The following HHAT variants were observed in gnomAD, a reference collection of about 807,000 sequenced individuals.
HHAT encodes the protein protein-cysteine N-palmitoyltransferase HHAT.
In HHAT, 47 loss-of-function variants were observed where a neutral mutation model predicts 70.8. The ratio of observed to expected loss-of-function variants is 0.66; its 90% CI spans 0.53 to 0.85. The LOEUF (loss-of-function observed/expected upper bound fraction) is 0.85, where lower values mean the gene tolerates loss of function less well. Ranked by LOEUF, HHAT falls within the 40% of genes least tolerant of loss-of-function variation. The pLI is 0.00. For synonymous variants in HHAT, 228 were observed against 247.6 expected (o/e 0.92, Z 0.74); for missense variants, 609 against 604.8 (o/e 1.01, Z -0.07).
intron 9 of HHAT, among the ~76,000 whole-genome samples, chr1:210,548,127 T>A (rs1427498355): frequency 1.3e-5 from 2 of 152,180 alleles, no homozygotes; most frequent in Non-Finnish European, 2.9e-5. Flanking sequence ...CGCCATTGTC[T>A]TATGGAACAT....
intron 7 of HHAT, among the ~76,000 whole-genome samples, chr1:210,425,617 T>C (rs1572352592): frequency 6.6e-6 from 1 of 152,128 alleles, no homozygotes; most frequent in Non-Finnish European, 1.5e-5. Flanking sequence ...CCATTGCTTG[T>C]TTTTGCCAGG....
At chr1:210,623,461 A>G (rs1296455230) in intron 10 of HHAT, 65 bp from the exon 11 acceptor site, 15 of 1,586,440 alleles carry the variant, frequency 9.5e-6, no homozygotes, top group Non-Finnish European at 3.5e-6. Flanking sequence ...AGAAAGCTGG[A>G]TGGTATCTTA....
At chr1:210,543,000 C>T (rs2095445944) in intron 9 of HHAT, among the ~76,000 whole-genome samples, 1 of 152,150 alleles carries the variant, frequency 6.6e-6, no homozygotes, top group South Asian at 2.1e-4. Context: ...TGTTCACAGA[C>T]AGGCATCATG....
At chr1:210,580,816 T>C (rs536427487) in intron 9 of HHAT, among the ~76,000 whole-genome samples, 27 of 152,272 alleles carry the variant, frequency 1.8e-4, no homozygotes, top group African/African-American at 6.0e-4. Flanking sequence ...AGTAGAATGA[T>C]TTATAGTCCT....
intron 3 of HHAT, among the ~76,000 whole-genome samples, chr1:210,365,378 G>A (rs2088837953): frequency 7.3e-6 from 1 of 136,082 alleles, no homozygotes; most frequent in Non-Finnish European, 1.5e-5. Flanking sequence ...GTGCAGTGGT[G>A]TGATCTTGGC....
At chr1:210,369,005 G>A (rs762885106) in intron 3 of HHAT, among the ~76,000 whole-genome samples, 10 of 152,046 alleles carry the variant, frequency 6.6e-5, no homozygotes, top group Admixed American at 2.0e-4. Flanking sequence ...TTGAACCCGG[G>A]AGGCGGAGGT....
Position 210,643,033 on chromosome 1 carries a change from C to T in HHAT, c.1390+19363C>T, listed in dbSNP as rs532403237. Among the ~76,000 whole-genome samples the T allele has an allele frequency of 5.3e-5, 8 of 152,148 alleles. No individual in the cohort carries two copies. In the South Asian group the frequency reaches 6.2e-4, roughly 12 times the overall value. ...TAGTATTAATTTTGTGTATAATGTG[C>T]GATAAGGATCAATTTTTTTTGGTCT... On this transcript the variant is annotated intron_variant, in intron 11 of 11. Transcript: ENST00000261458.
At chr1:210,656,365 C>CA (rs1351610894) in intron 11 of HHAT, among the ~76,000 whole-genome samples, 2 of 152,022 alleles carry the variant, frequency 1.3e-5, no homozygotes, top group East Asian at 3.9e-4. Context: ...AGTCCACAGT[C>CA]ACGCATGTGC....
At chr1:210,670,160 C>G (rs1679790461) in intron 11 of HHAT, among the ~76,000 whole-genome samples, 1 of 152,158 alleles carries the variant, frequency 6.6e-6, no homozygotes, top group East Asian at 1.9e-4. Context: ...CAGCTTCTCC[C>G]CTTTGCTTTC....
At chr1:210,498,561 A>G (rs1307055027) in intron 8 of HHAT, among the ~76,000 whole-genome samples, 2 of 152,160 alleles carry the variant, frequency 1.3e-5, no homozygotes, top group African/African-American at 4.8e-5. Flanking sequence ...CAACATTATC[A>G]GTCAGCTTTA....
Position 210,408,479 on chromosome 1 carries a change from G to A in HHAT, c.684+3800G>A, listed in dbSNP as rs115411975. Among the ~76,000 whole-genome samples, 518 of 152,228 alleles carry A rather than the reference G, an allele frequency of 3.4e-3. 6 individuals are homozygous for A. The highest frequency in any genetic ancestry group is 0.012 in the African/African-American group (502 of 41,540). Reference sequence around the variant, plus strand: ...GTTACAGGTGTGAGCCACCATGCTCGGCCTCTTACTTTTATTATTGTGATG... The same window carrying A: ...GTTACAGGTGTGAGCCACCATGCTCAGCCTCTTACTTTTATTATTGTGATG... On this transcript the variant is annotated intron_variant, in intron 6 of 11. Transcript: ENST00000261458.
chr1:210,526,197 C>T (rs2095242175), intron 9 of HHAT, among the ~76,000 whole-genome samples: 1 of 152,060 alleles, frequency 6.6e-6, no homozygotes, highest in Admixed American at 6.5e-5. Flanking sequence ...AGACGGGGAG[C>T]CCCTTTCCCT....
chr1:210,439,731 G>T (rs1340920039), intron 7 of HHAT: 1 of 151,886 alleles, frequency 6.6e-6, no homozygotes, highest in African/African-American at 2.4e-5. Flanking sequence ...TCCTTCATGA[G>T]ACTTCATTAA....
intron 7 of HHAT, among the ~76,000 whole-genome samples, chr1:210,444,879 G>A (rs1318597587): frequency 6.6e-6 from 1 of 152,098 alleles, no homozygotes; most frequent in Non-Finnish European, 1.5e-5. Context: ...TCACTCTGTT[G>A]CCCAGGCTGG....
rs558364465 is a variant in HHAT at position 210,387,492 on chromosome 1, T to C, written c.184T>C (p.Phe62Leu). 2 of 1,614,048 alleles carry C rather than the reference T, an allele frequency of 1.2e-6. No individual in the cohort carries two copies. The highest frequency in any genetic ancestry group is 2.2e-5 in the South Asian group (2 of 91,080). Residue 62 changes from phenylalanine to leucine, a missense_variant, in exon 4 of 12, where the codon TTC (phenylalanine) becomes CTC (leucine). Phe to Leu is a conservative substitution (Grantham distance 22). Coordinates refer to ENST00000261458, the MANE Select transcript of HHAT (RefSeq NM_018194.6). ...GGATGCGACCGACTTTGAGTGGAGC[T>C]TCTGGATGGAATGGGGGAAGCAGTG... Reference protein sequence around the residue: ...KKDATDFEWSFWMEWGKQWLV... With the variant: ...KKDATDFEWSLWMEWGKQWLV...
intron 7 of HHAT, among the ~76,000 whole-genome samples, chr1:210,447,696 C>A (rs527946978): frequency 6.6e-6 from 1 of 152,206 alleles, no homozygotes; most frequent in Admixed American, 6.5e-5. Flanking sequence ...CACTGAAGAT[C>A]CAGGTTCTTG....
chr1:210,530,658 G>T (rs1343340642), intron 9 of HHAT, among the ~76,000 whole-genome samples: 2 of 152,176 alleles, frequency 1.3e-5, no homozygotes, highest in African/African-American at 4.8e-5. Context: ...GGACTTGAGT[G>T]ATGTCTGAGA....
intron 9 of HHAT, among the ~76,000 whole-genome samples, chr1:210,529,354 T>A (rs558563512): frequency 1.3e-5 from 2 of 151,436 alleles, no homozygotes; most frequent in East Asian, 3.9e-4. Context: ...ATATTTGTTG[T>A]TAAGCTGATG....
At chr1:210,667,076 C>CAAA (rs199677873) in intron 11 of HHAT, among the ~76,000 whole-genome samples, 1 of 115,124 alleles carries the variant, frequency 8.7e-6, no homozygotes, top group Non-Finnish European at 1.9e-5. Context: ...CAAAACATCT[C>CAAA]AAAAAAAAAA....
Sources: gnomAD v4.1 joint callset for allele counts (sites outside exome capture counted in the v4.1 genomes callset) on GRCh38, gnomAD v4.1.1 for gene constraint, MANE v1.5 for transcripts, NCBI Gene and HGNC (gene_info 2026-07-23, HGNC 2026-07-21) for gene names.